GATA6: variants seen among roughly 807,000 people sequenced by gnomAD.
GATA6 encodes transcription factor GATA-6.
In GATA6, 11 loss-of-function variants were observed where a neutral mutation model predicts 48.1. The observed-to-expected ratio is 0.23, with a 90% CI of 0.14 to 0.38. GATA6 has a LOEUF of 0.38. Ranked by LOEUF, GATA6 falls within the 10% of genes least tolerant of loss-of-function variation. GATA6 has a pLI of 1.00. For missense variants in GATA6, 795 were observed against 850.3 expected, an observed-to-expected ratio of 0.93 and a Z score of 0.81; for synonymous variants, 419 against 396.1, an observed-to-expected ratio of 1.06 and a Z score of -0.69.
At chr18:22,192,136 T>G (rs1817298245) in intron 6 of GATA6, among the ~76,000 whole-genome samples, 1 of 152,248 alleles carries the variant, frequency 6.6e-6, no homozygotes, top group African/African-American at 2.4e-5. Context: ...GGAAACAGAT[T>G]CCAGCAGCCA....
intron 6 of GATA6, among the ~76,000 whole-genome samples, chr18:22,194,014 C>A (rs1045067334): frequency 2.2e-4 from 33 of 151,030 alleles, no homozygotes; most frequent in Non-Finnish European, 3.4e-4. Flanking sequence ...TTGATCCAAT[C>A]AGAAATCTTT....
In GATA6 at chr18:22,172,063, G is replaced by A; in HGVS notation, c.919G>A (p.Glu307Lys). 2 of 1,277,326 alleles carry A rather than the reference G, an allele frequency of 1.6e-6. No individual in the cohort carries two copies. The highest frequency in any genetic ancestry group is 2.0e-6 in the Non-Finnish European group (2 of 1,015,144). 79.1% of individuals were successfully genotyped at this position (1,277,326 alleles called of 1,614,324 possible). ...TAGCCTGGCGGCCATGGGCGGCCGC[G>A]AGCCCCAGTACAGCTCGCTGTCGGC... ...GSSLAAMGGR[E>K]PQYSSLSAAR... Residue 307 changes from glutamate to lysine, a missense_variant, in exon 2 of 7, where the codon GAG becomes AAG. Transcript: ENST00000269216. This position sits in a 1 kb window ranked among gnomAD's most constrained non-coding sequence, Gnocchi z 5.2.
rs2033465414 is a variant in GATA6 at position 22,201,788 on chromosome 18, C to T, written c.*965C>T. 1 of 152,580 alleles carries T rather than the reference C, an allele frequency of 6.6e-6. No individual in the cohort carries two copies. Among genetic ancestry groups the T allele is most frequent in the African/African-American group, 2.4e-5 (1 of 41,434 alleles). The allele number at this position is 152,580 out of a possible 1,614,324, so 9.5% of individuals were successfully genotyped here. A position where few individuals can be genotyped will look rare whatever the true frequency, so the allele number is the denominator to read the frequency against. ...GGAATATGTGCTGGAAAAATTGCAACAACACTTTACTACCTAACGGATAGC... is the reference window on the plus strand; with the variant it reads ...GGAATATGTGCTGGAAAAATTGCAATAACACTTTACTACCTAACGGATAGC... On this transcript the variant is annotated 3_prime_UTR_variant, in exon 7 of 7. Coordinates refer to ENST00000269216, the MANE Select transcript of GATA6 (RefSeq NM_005257.6).
Position 22,171,264 on chromosome 18 carries a change from T to C in GATA6, c.120T>C (p.Ser40=). Residue 40 remains serine, a synonymous_variant, in exon 2 of 7, where the codon TCT becomes TCC. Transcript: ENST00000269216. This position sits in a 1 kb window ranked among gnomAD's most constrained non-coding sequence, Gnocchi z 7.1. The part of the protein sequence containing the change: ...REPSTPPSPI[S]SSSSSCSRGG... ...CCTCCACGCCGCCTTCCCCCATCTCTTCCTCGTCCTCCTCCTGCTCCCGGG... is the reference window on the plus strand; with the variant it reads ...CCTCCACGCCGCCTTCCCCCATCTCCTCCTCGTCCTCCTCCTGCTCCCGGG... 2 of 1,597,510 alleles carry C rather than the reference T, an allele frequency of 1.3e-6. No individual in the cohort carries two copies. Among genetic ancestry groups the C allele is most frequent in the Non-Finnish European group, 1.7e-6 (2 of 1,178,374 alleles).
In GATA6 at chr18:22,200,948, T is replaced by G; in HGVS notation, c.*125T>G. 9.3e-7 allele frequency: 1 copy of G among 1,071,572 alleles called. No individual in the cohort carries two copies. The highest frequency in any genetic ancestry group is 1.3e-6 in the Non-Finnish European group (1 of 751,644). The allele number at this position is 1,071,572 out of a possible 1,614,324, so 66.4% of individuals were successfully genotyped here. A position where few individuals can be genotyped will look rare whatever the true frequency, so the allele number is the denominator to read the frequency against. ...GAACGTGATTCTCGTGCCTTTATTT[T>G]GAAAGAGATGTTTTTCCCAAGAGGC... On this transcript the variant is annotated 3_prime_UTR_variant, in exon 7 of 7. Transcript: ENST00000269216.
chr18:22,183,079 G>T (rs2033219230), intron 6 of GATA6, 36 bp downstream of exon 6: 3 of 1,468,400 alleles, frequency 2.0e-6, no homozygotes, highest in Non-Finnish European at 1.9e-6. Flanking sequence ...CTAAATTACT[G>T]GGCTGCTCTC....
chr18:22,178,813 G>C (rs1188698117), intron 3 of GATA6, among the ~76,000 whole-genome samples: 1 of 152,122 alleles, frequency 6.6e-6, no homozygotes, highest in East Asian at 1.9e-4. Flanking sequence ...GTAGTAACTG[G>C]AAAATATCCC....
chr18:22,182,852 T>C lies in GATA6; in HGVS notation c.1516+8T>C, dbSNP rs745545183. The C allele has an allele frequency of 6.2e-7, 1 of 1,609,632 alleles. No homozygotes were observed. Among genetic ancestry groups the C allele is most frequent in the Non-Finnish European group, 8.5e-7 (1 of 1,175,900 alleles). ...AATCAAAGACTTGCTCTGGTAAATA[T>C]ACTAAAATGACGTTTGACTGTAAAG... is the stretch of plus-strand genomic sequence containing the variant. On this transcript the variant is annotated splice_region_variant and intron_variant, in intron 5 of 6. Transcript: ENST00000269216.
At position 22,171,133 on chromosome 18, in the gene GATA6, G is replaced by A; in HGVS notation, c.-12G>A. 2 of 1,599,226 alleles carry A rather than the reference G, an allele frequency of 1.3e-6. No homozygotes were observed. Among genetic ancestry groups the A allele is most frequent in the Non-Finnish European group, 1.7e-6 (2 of 1,179,256 alleles). Reference sequence around the variant, plus strand: ...GAGCTAGACGTCAGCTTGGAGCGGCGCCGGACCGTGGATGGCCTTGACTGA... The same window carrying A: ...GAGCTAGACGTCAGCTTGGAGCGGCACCGGACCGTGGATGGCCTTGACTGA... On this transcript the variant is annotated 5_prime_UTR_variant, in exon 2 of 7. Transcript: ENST00000269216. The surrounding 1 kb of genome is among the most constrained non-coding windows in gnomAD (Gnocchi z 7.1).
Position 22,200,956 on chromosome 18 carries a change from A to G in GATA6, c.*133A>G, listed in dbSNP as rs2033455239. ...TTCTCGTGCCTTTATTTTGAAAGAG[A>G]TGTTTTTCCCAAGAGGCTTGCTGAA... On this transcript the variant is annotated 3_prime_UTR_variant, in exon 7 of 7. Transcript: ENST00000269216. 9.6e-7 allele frequency: 1 copy of G among 1,043,812 alleles called. No individual in the cohort carries two copies. Among genetic ancestry groups the G allele is most frequent in the African/African-American group, 1.6e-5 (1 of 62,764 alleles). The allele number at this position is 1,043,812 out of a possible 1,614,324, so 64.7% of individuals were successfully genotyped here.
chr18:22,191,032 CGTGTGTGTGTGTGT>C (rs57925913), intron 6 of GATA6, among the ~76,000 whole-genome samples: 1,839 of 121,190 alleles, frequency 0.015, 56 homozygotes, highest in African/African-American at 0.052. Context: ...TTTTAAATCT[CGTGTGTGTGTGTGT>C]GTGTGTGTGT....
In GATA6 at chr18:22,170,416, G is replaced by T. The variant is rs1256900208; in HGVS notation, c.-37-692G>T. On this transcript the variant is annotated intron_variant, in intron 1 of 6. Transcript: ENST00000269216. This position sits in a 1 kb window ranked among gnomAD's most constrained non-coding sequence, Gnocchi z 6.7. Reference sequence around the variant, plus strand: ...GCGATTCCCGCCCCACAAGCTCTCCGCATTGCCTCTGCTGGGAAGGACCCA... The same window carrying T: ...GCGATTCCCGCCCCACAAGCTCTCCTCATTGCCTCTGCTGGGAAGGACCCA... Among the ~76,000 whole-genome samples the T allele has an allele frequency of 6.6e-6, 1 of 152,198 alleles. No homozygotes were observed. Among genetic ancestry groups the T allele is most frequent in the Non-Finnish European group, 1.5e-5 (1 of 68,030 alleles).
intron 2 of GATA6, among the ~76,000 whole-genome samples, chr18:22,173,302 T>C (rs76656898): frequency 0.016 from 2,503 of 152,318 alleles, 66 homozygotes; most frequent in East Asian, 0.045. Context: ...TGTTTGATAA[T>C]CTTTCTAAGG....
At chr18:22,199,934 A>G (rs1167602570) in intron 6 of GATA6, among the ~76,000 whole-genome samples, 1 of 151,108 alleles carries the variant, frequency 6.6e-6, no homozygotes, top group African/African-American at 2.4e-5. Flanking sequence ...GAAAGAAATC[A>G]TTGCCATGAT....
intron 3 of GATA6, chr18:22,180,365 G>T (rs2033177450): frequency 6.6e-6 from 1 of 152,188 alleles, no homozygotes; most frequent in Non-Finnish European, 1.5e-5. Flanking sequence ...TAATTAACAT[G>T]TAGTAATCTA....
chr18:22,190,093 GT>G (rs955408242), intron 6 of GATA6, among the ~76,000 whole-genome samples: 3 of 152,192 alleles, frequency 2.0e-5, no homozygotes, highest in African/African-American at 7.2e-5. Context: ...AATTGGACTA[GT>G]TTGATTAATA....
In GATA6 at chr18:22,170,380, C is replaced by T. The variant is rs2033016905; in HGVS notation, c.-38+698C>T. Among the ~76,000 whole-genome samples the T allele has an allele frequency of 1.3e-5, 2 of 152,176 alleles. No individual in the cohort carries two copies. The highest frequency in any genetic ancestry group is 6.5e-5 in the Admixed American group (1 of 15,284). On this transcript the variant is annotated intron_variant, in intron 1 of 6. Transcript: ENST00000269216. The surrounding 1 kb of genome is among the most constrained non-coding windows in gnomAD (Gnocchi z 6.7). Reference sequence around the variant, plus strand: ...AAGGTGTGCGGCGCCGCGGGGACGCCGGTGGGGCTGGCGATTCCCGCCCCA... The same window carrying T: ...AAGGTGTGCGGCGCCGCGGGGACGCTGGTGGGGCTGGCGATTCCCGCCCCA...
chr18:22,172,009 G>A lies in GATA6; in HGVS notation c.865G>A (p.Gly289Ser). 4 of 1,238,632 alleles carry A rather than the reference G, an allele frequency of 3.2e-6. No homozygotes were observed. Among genetic ancestry groups the A allele is most frequent in the East Asian group, 3.2e-5 (1 of 31,454 alleles). 76.7% of individuals were successfully genotyped at this position (1,238,632 alleles called of 1,614,324 possible). A position where few individuals can be genotyped will look rare whatever the true frequency, so the allele number is the denominator to read the frequency against. ...PGGYAAAGSG[G>S]AGGVSGGGSS... is the part of the protein sequence containing the mutation. ...AGGCTACGCGGCGGCGGGCAGTGGGGGCGCGGGAGGCGTGAGCGGCGGCGG... is the reference window on the plus strand; with the variant it reads ...AGGCTACGCGGCGGCGGGCAGTGGGAGCGCGGGAGGCGTGAGCGGCGGCGG... Residue 289 changes from glycine (G) to serine (S), a missense_variant, in exon 2 of 7, where the codon GGC (glycine) becomes AGC (serine). Transcript: ENST00000269216. This position sits in a 1 kb window ranked among gnomAD's most constrained non-coding sequence, Gnocchi z 5.2.
Position 22,172,345 on chromosome 18 carries a change from C to T in GATA6, c.1135+66C>T, listed in dbSNP as rs1360547151. On this transcript the variant is annotated intron_variant, in intron 2 of 6. Coordinates refer to ENST00000269216, the MANE Select transcript of GATA6 (RefSeq NM_005257.6). This position sits in a 1 kb window ranked among gnomAD's most constrained non-coding sequence, Gnocchi z 5.2. ...GCTGGGGCGCACGGGGGACGTGGAGCAGCTGCTCCACTCGGGCCCTGTTTT... is the reference window on the plus strand; with the variant it reads ...GCTGGGGCGCACGGGGGACGTGGAGTAGCTGCTCCACTCGGGCCCTGTTTT... 64 of 1,504,810 alleles carry T rather than the reference C, an allele frequency of 4.3e-5. No homozygotes were observed. The highest frequency in any genetic ancestry group is 5.6e-5 in the Non-Finnish European group (63 of 1,127,324). 93.2% of individuals were successfully genotyped at this position (1,504,810 alleles called of 1,614,324 possible). A position where few individuals can be genotyped will look rare whatever the true frequency, so the allele number is the denominator to read the frequency against.
Sources: gnomAD v4.1 joint callset for allele counts (sites outside exome capture counted in the v4.1 genomes callset) on GRCh38, gnomAD v4.1.1 for gene constraint, Gnocchi (gnomAD v3.1) non-coding constraint, MANE v1.5 for transcripts, NCBI Gene and HGNC (gene_info 2026-07-23, HGNC 2026-07-21) for gene names.